The following MARCHF1 variants were observed in gnomAD, a reference collection of about 807,000 sequenced individuals.
MARCHF1 encodes E3 ubiquitin-protein ligase MARCHF1.
In MARCHF1, 40 loss-of-function variants were observed where a neutral mutation model predicts 54.2. The observed-to-expected ratio is 0.74, with a 90% CI of 0.57 to 0.96. MARCHF1 has a LOEUF of 0.96. Ranked by LOEUF, MARCHF1 falls within the 40% of genes least tolerant of loss-of-function variation. The probability of loss-of-function intolerance (pLI) is 0.00; values close to 1 mark genes in which losing one functional copy is unlikely to be tolerated. For missense variants in MARCHF1, 586 were observed against 656.5 expected (o/e 0.89, Z 1.17); for synonymous variants, 236 against 236.3 (o/e 1.00, Z 0.01).
intron 4 of MARCHF1, among the ~76,000 whole-genome samples, chr4:163,767,017 T>C (rs1251727756): frequency 6.6e-6 from 1 of 151,922 alleles, no homozygotes. Context: ...GGACATATTT[T>C]TTTCATTATC....
chr4:164,248,037 A>G (rs1733008601), intron 1 of MARCHF1, among the ~76,000 whole-genome samples: 1 of 151,838 alleles, frequency 6.6e-6, no homozygotes, highest in African/African-American at 2.4e-5. Flanking sequence ...GGGGAATAAT[A>G]TCACATTCTT....
intron 4 of MARCHF1, among the ~76,000 whole-genome samples, chr4:163,806,366 AGT>A (rs1419668075): frequency 6.6e-6 from 1 of 152,174 alleles, no homozygotes; most frequent in Non-Finnish European, 1.5e-5. Context: ...ACTGAAGGAA[AGT>A]CTCATCTGAA....
In MARCHF1 at chr4:164,182,022, T is replaced by C. The variant is rs1213057459; in HGVS notation, c.-322-70360A>G. Among the ~76,000 whole-genome samples, 3 of 152,100 alleles carry C rather than the reference T, an allele frequency of 2.0e-5. No homozygotes were observed. The South Asian group carries it at 6.2e-4, about 31-fold the overall frequency. On this transcript the variant is annotated intron_variant, in intron 1 of 9. Transcript: ENST00000514618. ...CATGCTGTACAATTAGAACTTCAGG[T>C]AAAAGGTAATTTTTTCTCTTCTTTT...
At chr4:164,202,320 A>G (rs1731477583) in intron 1 of MARCHF1, among the ~76,000 whole-genome samples, 1 of 152,194 alleles carries the variant, frequency 6.6e-6, no homozygotes, top group African/African-American at 2.4e-5. Flanking sequence ...CAAAAGTGAG[A>G]GAATGCAGTA....
intron 4 of MARCHF1, among the ~76,000 whole-genome samples, chr4:163,720,265 C>T (rs1469730746): frequency 6.6e-6 from 1 of 152,192 alleles, no homozygotes; most frequent in Non-Finnish European, 1.5e-5. Flanking sequence ...GTTTTCCCAG[C>T]ACCACTGATT....
chr4:163,748,496 T>A (rs1466017598), intron 4 of MARCHF1, among the ~76,000 whole-genome samples: 1 of 152,116 alleles, frequency 6.6e-6, no homozygotes, highest in Admixed American at 6.5e-5. Flanking sequence ...TAGCTGGTAT[T>A]GATTCACTGT....
intron 9 of MARCHF1, chr4:163,530,481 T>A (rs931972482): frequency 2.0e-5 from 3 of 151,954 alleles, no homozygotes; most frequent in Non-Finnish European, 4.4e-5. Flanking sequence ...GAAGTCTGAC[T>A]CCCTTGAACC....
At chr4:164,195,746 T>C (rs191367261) in intron 1 of MARCHF1, among the ~76,000 whole-genome samples, 4 of 152,280 alleles carry the variant, frequency 2.6e-5, no homozygotes, top group African/African-American at 7.2e-5. Context: ...TCACATATGG[T>C]CCCTAGCTTG....
chr4:164,376,349 A>G (rs1207086599), intron 1 of MARCHF1, among the ~76,000 whole-genome samples: 5 of 152,180 alleles, frequency 3.3e-5, no homozygotes, highest in Non-Finnish European at 7.3e-5. Context: ...CTCTCATTGT[A>G]ATGGATGTAG....
In MARCHF1 at chr4:163,962,790, C is replaced by CT. The variant is rs574572742; in HGVS notation, c.-39+25710dup. ...CAAATCTTCTTAAAATCCTATACCACTTTTTTTTAAAATAAGCTTTTTAAA... is the reference window on the plus strand; with the variant it reads ...CAAATCTTCTTAAAATCCTATACCACTTTTTTTTTAAAATAAGCTTTTTAAA... On this transcript the variant is annotated intron_variant, in intron 3 of 9. Coordinates refer to ENST00000514618, the MANE Select transcript of MARCHF1 (RefSeq NM_001394959.1). Among the ~76,000 whole-genome samples the CT allele has an allele frequency of 3.6e-3, 543 of 151,662 alleles. 4 individuals are homozygous for CT. Among genetic ancestry groups the CT allele is most frequent in the African/African-American group, 0.012 (498 of 41,422 alleles).
rs372595184 is a variant in MARCHF1 at position 163,592,499 on chromosome 4, G to A, written c.1011-6570C>T. On this transcript the variant is annotated intron_variant, in intron 7 of 9. Coordinates refer to ENST00000514618, the MANE Select transcript of MARCHF1 (RefSeq NM_001394959.1). ...TATTCCTGGAGCTGATCCAAGAGTCGCAAGTAATCAGCCACATTTTTTTTT... is the reference window on the plus strand; with the variant it reads ...TATTCCTGGAGCTGATCCAAGAGTCACAAGTAATCAGCCACATTTTTTTTT... Among the ~76,000 whole-genome samples the A allele has an allele frequency of 3.3e-5, 5 of 151,610 alleles. No individual in the cohort carries two copies. In the East Asian group the frequency reaches 7.7e-4, roughly 23 times the overall value.
Position 164,126,339 on chromosome 4 carries a change from A to G in MARCHF1, c.-322-14677T>C, listed in dbSNP as rs1756179236. Among the ~76,000 whole-genome samples, 5 of 152,204 alleles carry G rather than the reference A, an allele frequency of 3.3e-5. No homozygotes were observed. In the South Asian group the frequency reaches 1.0e-3, roughly 32 times the overall value. On this transcript the variant is annotated intron_variant, in intron 1 of 9. Coordinates refer to ENST00000514618, the MANE Select transcript of MARCHF1 (RefSeq NM_001394959.1). ...AGAGAGAGACATTTATGAACCAGAAAGTAGGTCCTCATCAGACACCGAATC... is the reference window on the plus strand; with the variant it reads ...AGAGAGAGACATTTATGAACCAGAAGGTAGGTCCTCATCAGACACCGAATC...
intron 2 of MARCHF1, among the ~76,000 whole-genome samples, chr4:164,084,711 A>G (rs1307361729): frequency 2.4e-5 from 3 of 122,452 alleles, no homozygotes; most frequent in Admixed American, 9.0e-5. Flanking sequence ...ACTAAGAAAC[A>G]CTGCAAAGTA....
chr4:163,558,210 T>A (rs1038506760), intron 8 of MARCHF1, among the ~76,000 whole-genome samples: 3 of 151,918 alleles, frequency 2.0e-5, no homozygotes, highest in Non-Finnish European at 4.4e-5. Context: ...CGGGGAAACA[T>A]GGGGTGTGGA....
chr4:163,966,198 C>T (rs1407058458), intron 3 of MARCHF1, among the ~76,000 whole-genome samples: 1 of 151,912 alleles, frequency 6.6e-6, no homozygotes, highest in Admixed American at 6.6e-5. Context: ...TAAACTGATG[C>T]TTCCAATGTA....
At chr4:163,817,877 C>T (rs1419326387) in intron 4 of MARCHF1, among the ~76,000 whole-genome samples, 5 of 144,226 alleles carry the variant, frequency 3.5e-5, no homozygotes, top group Admixed American at 7.2e-5. Context: ...AACCAAACAC[C>T]GCATGTTCTC....
At chr4:163,810,706 CT>C (rs1324487481) in intron 4 of MARCHF1, among the ~76,000 whole-genome samples, 3 of 152,092 alleles carry the variant, frequency 2.0e-5, no homozygotes, top group Admixed American at 2.0e-4. Flanking sequence ...TTTTGATTTT[CT>C]TTTTATAAAT....
intron 3 of MARCHF1, among the ~76,000 whole-genome samples, chr4:163,906,774 A>T (rs1751077623): frequency 6.6e-6 from 1 of 151,666 alleles, no homozygotes. Flanking sequence ...TAAGAAAAAC[A>T]CTCTCTCTTG....
chr4:163,767,096 T>C (rs556155391), intron 4 of MARCHF1, among the ~76,000 whole-genome samples: 2,078 of 100,060 alleles, frequency 0.021, 53 homozygotes, highest in African/African-American at 0.078. Flanking sequence ...GATACGGCGA[T>C]GTAAAAAAAA....
Sources: gnomAD v4.1 joint callset for allele counts (sites outside exome capture counted in the v4.1 genomes callset) on GRCh38, gnomAD v4.1.1 for gene constraint, MANE v1.5 for transcripts, NCBI Gene and HGNC (gene_info 2026-07-23, HGNC 2026-07-21) for gene names.